TAFA1: variants seen among roughly 807,000 people sequenced by gnomAD.
The protein encoded by TAFA1 is TAFA chemokine like family member 1.
Under a neutral mutation model 18.5 loss-of-function variants are expected in TAFA1, and 4 were observed. That is an observed-to-expected ratio of 0.22 (90% CI 0.11 to 0.49). The LOEUF (loss-of-function observed/expected upper bound fraction) is 0.49. Among genes scored for constraint, TAFA1 ranks in the 20% least tolerant of loss-of-function variants. TAFA1 has a pLI of 0.98. For synonymous variants in TAFA1, 56 were observed against 55.2 expected (o/e 1.01, Z -0.06); for missense variants, 147 against 169.0 (o/e 0.87, Z 0.72).
intron 2 of TAFA1, among the ~76,000 whole-genome samples, chr3:68,335,469 C>T (rs2068954946): frequency 6.6e-6 from 1 of 152,134 alleles, no homozygotes; most frequent in African/African-American, 2.4e-5. Context: ...CATGATCTTA[C>T]ATAGAACTTT....
chr3:68,308,054 A>C (rs1434220733), intron 2 of TAFA1, among the ~76,000 whole-genome samples: 1 of 152,186 alleles, frequency 6.6e-6, no homozygotes. Flanking sequence ...GCATAGTAAT[A>C]AATCGGGTGA....
chr3:68,176,120 T>A (rs980317542), intron 2 of TAFA1, among the ~76,000 whole-genome samples: 1 of 152,162 alleles, frequency 6.6e-6, no homozygotes, highest in African/African-American at 2.4e-5. Flanking sequence ...TCATTGAACC[T>A]TTTTTTCTTC....
At chr3:68,063,170 G>A (rs1043999050) in intron 2 of TAFA1, among the ~76,000 whole-genome samples, 2 of 152,104 alleles carry the variant, frequency 1.3e-5, no homozygotes, top group African/African-American at 2.4e-5. Context: ...TAAAATGTTG[G>A]CAGCAAATTC....
intron 2 of TAFA1, among the ~76,000 whole-genome samples, chr3:68,273,910 T>C (rs2067731324): frequency 6.6e-6 from 1 of 152,158 alleles, no homozygotes; most frequent in Non-Finnish European, 1.5e-5. Context: ...GACTCGTATG[T>C]CAACATTTTA....
At chr3:67,998,092 T>TA in the TAFA1 span, among the ~76,000 whole-genome samples, 6 of 151,786 alleles carry the variant, frequency 4.0e-5, no homozygotes, top group African/African-American at 1.2e-4. Flanking sequence ...TACAATTTTT[T>TA]TAAAAAAACA....
At chr3:68,016,698 G>A (rs769498426) in intron 2 of TAFA1, among the ~76,000 whole-genome samples, 7 of 152,074 alleles carry the variant, frequency 4.6e-5, no homozygotes, top group East Asian at 1.9e-4. Flanking sequence ...GTTGTTAAGC[G>A]ATACATGACT....
intron 2 of TAFA1, among the ~76,000 whole-genome samples, chr3:68,046,529 A>G (rs1242272464): frequency 6.6e-6 from 1 of 152,190 alleles, no homozygotes; most frequent in Non-Finnish European, 1.5e-5. Context: ...AATCAGCAAA[A>G]TTGTCCAGTT....
intron 2 of TAFA1, among the ~76,000 whole-genome samples, chr3:68,161,431 G>T (rs544170677): frequency 6.6e-6 from 1 of 152,258 alleles, no homozygotes; most frequent in African/African-American, 2.4e-5. Context: ...GTTAGACCTT[G>T]GGCCCCACCT....
At chr3:68,244,476 C>T (rs2067040439) in intron 2 of TAFA1, among the ~76,000 whole-genome samples, 1 of 152,078 alleles carries the variant, frequency 6.6e-6, no homozygotes, top group Admixed American at 6.6e-5. Flanking sequence ...CTTGTGGATA[C>T]CCAATTGCTC....
At chr3:68,522,431 C>T (rs945057581) in intron 3 of TAFA1, among the ~76,000 whole-genome samples, 13 of 152,106 alleles carry the variant, frequency 8.5e-5, no homozygotes, top group African/African-American at 2.4e-4. Context: ...GGGAAAGGTT[C>T]GGGGAGCTAG....
At chr3:68,286,873 G>A (rs1434973995) in intron 2 of TAFA1, among the ~76,000 whole-genome samples, 1 of 152,156 alleles carries the variant, frequency 6.6e-6, no homozygotes, top group African/African-American at 2.4e-5. Context: ...ATAACAAAAG[G>A]AGACCACCTC....
intron 2 of TAFA1, among the ~76,000 whole-genome samples, chr3:68,243,192 C>T (rs997860067): frequency 6.6e-6 from 1 of 152,002 alleles, no homozygotes; most frequent in Admixed American, 6.6e-5. Context: ...ATGTACCAGG[C>T]TGTCTCATGT....
At chr3:68,036,169 G>C (rs1047132275) in intron 2 of TAFA1, among the ~76,000 whole-genome samples, 1 of 152,138 alleles carries the variant, frequency 6.6e-6, no homozygotes, top group Non-Finnish European at 1.5e-5. Context: ...AGCCAGGCAC[G>C]CTGTCTCACT....
chr3:68,011,033 T>A (rs1481357065), intron 2 of TAFA1, among the ~76,000 whole-genome samples: 1 of 151,468 alleles, frequency 6.6e-6, no homozygotes, highest in Non-Finnish European at 1.5e-5. Context: ...TTTTTGCTAA[T>A]CATAATTTTC....
chr3:68,531,240 T>C (rs2073184580), intron 3 of TAFA1, among the ~76,000 whole-genome samples: 2 of 152,108 alleles, frequency 1.3e-5, no homozygotes, highest in Admixed American at 1.3e-4. Flanking sequence ...TGCAGCAGCC[T>C]CAGATTCTGC....
At chr3:68,199,758 C>T (rs892617606) in intron 2 of TAFA1, among the ~76,000 whole-genome samples, 5 of 151,378 alleles carry the variant, frequency 3.3e-5, no homozygotes, top group Non-Finnish European at 5.9e-5. Context: ...TCAGTTAAAT[C>T]TTTTGGATTT....
intron 2 of TAFA1, among the ~76,000 whole-genome samples, chr3:68,170,789 A>AG (rs1398298398): frequency 6.6e-6 from 1 of 152,104 alleles, no homozygotes; most frequent in Non-Finnish European, 1.5e-5. Flanking sequence ...AATTTGTTCA[A>AG]TCACTGCCTG....
chr3:68,209,555 G>T (rs1358182212), intron 2 of TAFA1, among the ~76,000 whole-genome samples: 1 of 151,988 alleles, frequency 6.6e-6, no homozygotes, highest in African/African-American at 2.4e-5. Flanking sequence ...CAGTTTATTT[G>T]CTGTCTCCCA....
At chr3:68,264,027 C>T (rs2067490628) in intron 2 of TAFA1, among the ~76,000 whole-genome samples, 1 of 152,080 alleles carries the variant, frequency 6.6e-6, no homozygotes, top group African/African-American at 2.4e-5. Flanking sequence ...CACAGTGGCT[C>T]ATGCCTGCAA....
Sources: gnomAD v4.1 joint callset for allele counts (sites outside exome capture counted in the v4.1 genomes callset) on GRCh38, gnomAD v4.1.1 for gene constraint, MANE v1.5 for transcripts, NCBI Gene and HGNC (gene_info 2026-07-23, HGNC 2026-07-21) for gene names.